BBX: variants seen among roughly 807,000 people sequenced by gnomAD.
BBX encodes the protein HMG box transcription factor BBX.
In BBX, 30 loss-of-function variants were observed where a neutral mutation model predicts 100.2. That is an observed-to-expected ratio of 0.30 (90% confidence interval 0.22 to 0.41). The LOEUF (loss-of-function observed/expected upper bound fraction) is 0.41, where lower values mean the gene tolerates loss of function less well. BBX is among the 10% of genes least tolerant of loss of function. The probability of loss-of-function intolerance (pLI) is 1.00; values close to 1 mark genes in which losing one functional copy is unlikely to be tolerated. For synonymous variants in BBX, 376 were observed against 388.1 expected, an observed-to-expected ratio of 0.97 and a Z score of 0.37; for missense variants, 1,023 against 1,129.8, an observed-to-expected ratio of 0.91 and a Z score of 1.35.
At chr3:107,696,404 A>C (rs1282959969) in intron 3 of BBX, among the ~76,000 whole-genome samples, 1 of 150,744 alleles carries the variant, frequency 6.6e-6, no homozygotes. Flanking sequence ...TGGTGACAAA[A>C]TCTCTCAGCA....
intron 5 of BBX, among the ~76,000 whole-genome samples, chr3:107,727,167 C>T (rs2063008011): frequency 6.6e-6 from 1 of 152,080 alleles, no homozygotes; most frequent in East Asian, 1.9e-4. Context: ...AGTCTTTTGA[C>T]ACTTTATAAA....
chr3:107,752,452 A>G (rs2065146248), intron 9 of BBX, among the ~76,000 whole-genome samples: 1 of 152,174 alleles, frequency 6.6e-6, no homozygotes, highest in Non-Finnish European at 1.5e-5. Flanking sequence ...TGACTCATTT[A>G]TTCATTCAAC....
chr3:107,773,071 A>G lies in BBX; in HGVS notation c.1350A>G (p.Leu450=). ...DPAALNKPEK[L]KKKKKKSKMD... is the part of the protein sequence containing the mutation. ...CAGCATTAAACAAGCCAGAAAAGCTAAAAAAGAAAAAGAAGAAAAGCAAAA... is the reference window on the plus strand; with the variant it reads ...CAGCATTAAACAAGCCAGAAAAGCTGAAAAAGAAAAAGAAGAAAAGCAAAA... Residue 450 remains leucine, a synonymous_variant, in exon 11 of 18, where the codon CTA becomes CTG. Coordinates refer to ENST00000325805, the MANE Select transcript of BBX (RefSeq NM_001142568.3). This position sits in a 1 kb window ranked among gnomAD's most constrained non-coding sequence, Gnocchi z 4.1. The G allele has an allele frequency of 6.2e-7, 1 of 1,613,354 alleles. No individual in the cohort carries two copies. Among genetic ancestry groups the G allele is most frequent in the Non-Finnish European group, 8.5e-7 (1 of 1,179,860 alleles).
chr3:107,552,036 A>G (rs998656353), intron 2 of BBX, among the ~76,000 whole-genome samples: 1 of 152,074 alleles, frequency 6.6e-6, no homozygotes, highest in African/African-American at 2.4e-5. Flanking sequence ...AGAGTTTAGT[A>G]CAGCGTTAAA....
intron 2 of BBX, among the ~76,000 whole-genome samples, chr3:107,547,383 C>CCT (rs2049316723): frequency 6.6e-6 from 1 of 151,856 alleles, no homozygotes; most frequent in Admixed American, 6.6e-5. Flanking sequence ...ATGATTGTGC[C>CCT]CTCCATGACT....
chr3:107,703,780 AAAT>A (rs2061227675), intron 3 of BBX, among the ~76,000 whole-genome samples: 1 of 152,212 alleles, frequency 6.6e-6, no homozygotes, highest in South Asian at 2.1e-4. Context: ...GAATTACAAG[AAAT>A]AATAATGATT....
intron 2 of BBX, among the ~76,000 whole-genome samples, chr3:107,562,597 CAT>C (rs1465308679): frequency 6.6e-6 from 1 of 151,936 alleles, no homozygotes; most frequent in Non-Finnish European, 1.5e-5. Context: ...TTTTAAGAAA[CAT>C]TAATGATAAA....
At chr3:107,594,808 T>A (rs1039405657) in intron 2 of BBX, among the ~76,000 whole-genome samples, 7 of 152,120 alleles carry the variant, frequency 4.6e-5, no homozygotes, top group Admixed American at 1.3e-4. Flanking sequence ...AAAAAAAAAA[T>A]TTGATAAACT....
At chr3:107,656,408 A>G (rs772154790) in intron 3 of BBX, among the ~76,000 whole-genome samples, 3 of 152,130 alleles carry the variant, frequency 2.0e-5, no homozygotes, top group African/African-American at 7.2e-5. Context: ...GCTGCTTCTT[A>G]TTTAGTGTGT....
intron 7 of BBX, among the ~76,000 whole-genome samples, chr3:107,733,939 A>G (rs1005414670): frequency 1.3e-5 from 2 of 152,148 alleles, no homozygotes; most frequent in Non-Finnish European, 2.9e-5. Flanking sequence ...TCCCAGAGAC[A>G]TTTAACAGAG....
At chr3:107,684,098 A>G (rs1032021082) in intron 3 of BBX, among the ~76,000 whole-genome samples, 2 of 152,182 alleles carry the variant, frequency 1.3e-5, no homozygotes, top group Non-Finnish European at 2.9e-5. Flanking sequence ...AAGACCCCAG[A>G]TGGAAAATTG....
intron 10 of BBX, among the ~76,000 whole-genome samples, chr3:107,757,149 AC>A (rs2107681365): frequency 6.6e-6 from 1 of 152,224 alleles, no homozygotes; most frequent in South Asian, 2.1e-4. Flanking sequence ...ATTAAACAAT[AC>A]TAAAATGTAA....
intron 12 of BBX, among the ~76,000 whole-genome samples, chr3:107,775,352 G>C (rs2067237725): frequency 6.6e-6 from 1 of 152,030 alleles, no homozygotes; most frequent in Non-Finnish European, 1.5e-5. Context: ...CTGCTGTAGA[G>C]AACATTCAAT....
At chr3:107,552,110 G>T (rs895322191) in intron 2 of BBX, among the ~76,000 whole-genome samples, 1 of 151,910 alleles carries the variant, frequency 6.6e-6, no homozygotes, top group Non-Finnish European at 1.5e-5. Context: ...GGGAGGCTGC[G>T]GCAGGCGGAT....
intron 15 of BBX, among the ~76,000 whole-genome samples, chr3:107,794,623 CAA>C (rs2069411576): frequency 6.6e-6 from 1 of 152,174 alleles, no homozygotes; most frequent in Non-Finnish European, 1.5e-5. Context: ...ATAACTTCAG[CAA>C]AGTCTCCCAG....
intron 3 of BBX, among the ~76,000 whole-genome samples, chr3:107,709,780 G>T (rs1486018414): frequency 1.3e-5 from 2 of 152,218 alleles, no homozygotes; most frequent in African/African-American, 4.8e-5. Flanking sequence ...TCATGGAGAA[G>T]AACTTTTTTT....
chr3:107,610,351 C>A (rs2054751227), intron 2 of BBX, among the ~76,000 whole-genome samples: 1 of 152,012 alleles, frequency 6.6e-6, no homozygotes, highest in Non-Finnish European at 1.5e-5. Context: ...ATGAAGTGTT[C>A]TGTGTATATC....
rs2067029473 is a variant in BBX at position 107,773,028 on chromosome 3, T to C, written c.1307T>C (p.Met436Thr). 1.2e-6 allele frequency: 2 copies of C among 1,614,090 alleles called. No homozygotes were observed. Among genetic ancestry groups the C allele is most frequent in the Non-Finnish European group, 1.7e-6 (2 of 1,180,002 alleles). The change falls in exon 11 of 18, where the codon ATG becomes ACG. Residue 436 changes from methionine to threonine, a missense_variant. By Grantham distance (81) the Met-to-Thr change is moderately conservative. Transcript: ENST00000325805. The surrounding 1 kb of genome is among the most constrained non-coding windows in gnomAD (Gnocchi z 4.1). ...CATATGTGCCATCCTCATGGAATTA[T>C]GATCATTGAGGATCCCGCAGCATTA... is the stretch of plus-strand genomic sequence containing the variant. The part of the protein sequence containing the change: ...KDHMCHPHGI[M>T]IIEDPAALNK...
At chr3:107,774,896 C>G (rs2067202538) in intron 12 of BBX, 39 bp downstream of exon 12, 1 of 1,595,086 alleles carries the variant, frequency 6.3e-7, no homozygotes, top group African/African-American at 1.4e-5. Context: ...ACTCCACAAG[C>G]CTCAAGTGTG....
Sources: gnomAD v4.1 joint callset for allele counts (sites outside exome capture counted in the v4.1 genomes callset) on GRCh38, gnomAD v4.1.1 for gene constraint, Gnocchi (gnomAD v3.1) non-coding constraint, MANE v1.5 for transcripts, NCBI Gene and HGNC (gene_info 2026-07-23, HGNC 2026-07-21) for gene names.